The following ELP4 variants were observed in gnomAD, a reference collection of about 807,000 sequenced individuals.
ELP4 encodes elongator complex protein 4.
A neutral mutation model predicts 48.9 loss-of-function variants in ELP4; 51 were observed. The observed-to-expected ratio is 1.04, with a 90% CI of 0.83 to 1.32. ELP4 has a LOEUF of 1.32. Among genes scored for constraint, ELP4 ranks in the 40% most tolerant of loss-of-function variants. The pLI, the probability that ELP4 is intolerant of heterozygous loss-of-function variation, is 0.00. For synonymous variants in ELP4, 210 were observed against 189.2 expected, an observed-to-expected ratio of 1.11 and a Z score of -0.90; for missense variants, 519 against 514.6, an observed-to-expected ratio of 1.01 and a Z score of -0.08.
Position 31,760,022 on chromosome 11 carries a change from G to A in ELP4, c.1144-23371G>A, listed in dbSNP as rs556789816. 2.2e-4 allele frequency among the ~76,000 whole-genome samples: 33 copies of A among 152,234 alleles called. 1 individual carries two copies. In the South Asian group the frequency reaches 6.2e-3, roughly 29 times the overall value. On this transcript the variant is annotated intron_variant, in intron 9 of 9. Coordinates refer to ENST00000640961, the MANE Select transcript of ELP4 (RefSeq NM_019040.5). Reference sequence around the variant, plus strand: ...GTCGGTCAGTGTTTTCTGATTACCAGCTTGAATAGTTTGTATTCATCAGCT... The same window carrying A: ...GTCGGTCAGTGTTTTCTGATTACCAACTTGAATAGTTTGTATTCATCAGCT...
At chr11:31,730,484 A>G (rs1947163409) in intron 9 of ELP4, among the ~76,000 whole-genome samples, 1 of 152,274 alleles carries the variant, frequency 6.6e-6, no homozygotes, top group African/African-American at 2.4e-5. Flanking sequence ...TGGAGGGAAC[A>G]TCATCATGCA....
intron 9 of ELP4, among the ~76,000 whole-genome samples, chr11:31,744,218 A>G (rs1182335107): frequency 6.6e-6 from 1 of 152,218 alleles, no homozygotes; most frequent in East Asian, 1.9e-4. Flanking sequence ...TGAATAGACC[A>G]ATAACAGGCT....
At chr11:31,531,656 T>C (rs940204968) in intron 2 of ELP4, among the ~76,000 whole-genome samples, 3 of 152,208 alleles carry the variant, frequency 2.0e-5, no homozygotes, top group Admixed American at 1.3e-4. Context: ...GGGGAATGTA[T>C]TGGGAAAGAA....
At chr11:31,546,412 A>T (rs1956717419) in intron 3 of ELP4, among the ~76,000 whole-genome samples, 1 of 152,220 alleles carries the variant, frequency 6.6e-6, no homozygotes, top group African/African-American at 2.4e-5. Flanking sequence ...TGGTAAAGGG[A>T]TCAATTCAAC....
At chr11:31,547,238 G>A (rs940359459) in intron 3 of ELP4, among the ~76,000 whole-genome samples, 1 of 152,046 alleles carries the variant, frequency 6.6e-6, no homozygotes, top group East Asian at 1.9e-4. Context: ...TAGACTGCTA[G>A]CAAGACTAAT....
chr11:31,744,698 G>C (rs1170066052), intron 9 of ELP4, among the ~76,000 whole-genome samples: 4 of 152,146 alleles, frequency 2.6e-5, no homozygotes, highest in Admixed American at 2.6e-4. Flanking sequence ...AATGCTTCAT[G>C]CTAAAAACTC....
At chr11:31,694,767 C>T (rs886848805) in intron 9 of ELP4, among the ~76,000 whole-genome samples, 42 of 152,144 alleles carry the variant, frequency 2.8e-4, no homozygotes, top group African/African-American at 1.0e-3. Context: ...GCCATTTTCA[C>T]GATATTGATT....
chr11:31,644,958 A>C (rs938321510), intron 7 of ELP4, among the ~76,000 whole-genome samples: 1 of 151,766 alleles, frequency 6.6e-6, no homozygotes, highest in African/African-American at 2.4e-5. Flanking sequence ...TTATTCTATA[A>C]ATGTTTTTCA....
chr11:31,691,381 G>T (rs1946277445), intron 9 of ELP4, among the ~76,000 whole-genome samples: 2 of 152,042 alleles, frequency 1.3e-5, no homozygotes, highest in Admixed American at 1.3e-4. Flanking sequence ...TATATCTAAT[G>T]ACCTTTTCAG....
intron 9 of ELP4, among the ~76,000 whole-genome samples, chr11:31,665,655 CTTTTT>C (rs71060496): frequency 2.5e-5 from 2 of 79,660 alleles, no homozygotes; most frequent in Admixed American, 1.7e-4. Flanking sequence ...GTCTCTCTTC[CTTTTT>C]TTTTTTTTTT....
intron 9 of ELP4, chr11:31,689,500 C>G (rs1946230916): frequency 2.0e-5 from 3 of 151,410 alleles, no homozygotes; most frequent in Admixed American, 2.0e-4. Flanking sequence ...GGCTTACACA[C>G]TGGGCAGATG....
At chr11:31,766,742 T>A (rs751364803) in intron 9 of ELP4, among the ~76,000 whole-genome samples, 3 of 152,062 alleles carry the variant, frequency 2.0e-5, no homozygotes, top group Non-Finnish European at 2.9e-5. Flanking sequence ...ATGCCTGTTA[T>A]AATTTTTCAT....
intron 9 of ELP4, among the ~76,000 whole-genome samples, chr11:31,660,713 A>G (rs917202176): frequency 1.3e-5 from 2 of 152,050 alleles, no homozygotes; most frequent in African/African-American, 4.8e-5. Context: ...ATAGTGTTCA[A>G]CTCTCCTTTA....
intron 3 of ELP4, among the ~76,000 whole-genome samples, chr11:31,570,790 C>CTTTTT (rs1183889559): frequency 2.8e-3 from 245 of 86,106 alleles, no homozygotes; most frequent in African/African-American, 7.4e-3. Context: ...ACTGTAAACT[C>CTTTTT]TTTTTTTTTT....
chr11:31,548,040 G>A (rs1386946278), intron 3 of ELP4, among the ~76,000 whole-genome samples: 1 of 152,102 alleles, frequency 6.6e-6, no homozygotes, highest in Non-Finnish European at 1.5e-5. Context: ...ATACTGAATG[G>A]GCAAAAACTG....
chr11:31,670,952 T>A (rs1449018308), intron 9 of ELP4, among the ~76,000 whole-genome samples: 4 of 152,058 alleles, frequency 2.6e-5, no homozygotes, highest in Non-Finnish European at 5.9e-5. Flanking sequence ...ATATAATGTG[T>A]TTATCACTTA....
chr11:31,697,846 G>A (rs956108237), intron 9 of ELP4, among the ~76,000 whole-genome samples: 1 of 151,986 alleles, frequency 6.6e-6, no homozygotes, highest in Non-Finnish European at 1.5e-5. Context: ...TAGGATGTAA[G>A]AGATGAAGAA....
At chr11:31,547,545 TC>T (rs1228542468) in intron 3 of ELP4, among the ~76,000 whole-genome samples, 1 of 152,174 alleles carries the variant, frequency 6.6e-6, no homozygotes, top group Admixed American at 6.5e-5. Context: ...ACAGCCGAAT[TC>T]TACCAGAGGT....
chr11:31,575,088 TC>T (rs1957251805), intron 3 of ELP4, among the ~76,000 whole-genome samples: 2 of 151,978 alleles, frequency 1.3e-5, no homozygotes, highest in African/African-American at 4.8e-5. Context: ...TGTAGAGAAA[TC>T]CTTAAATGAC....
Sources: gnomAD v4.1 joint callset for allele counts (sites outside exome capture counted in the v4.1 genomes callset) on GRCh38, gnomAD v4.1.1 for gene constraint, MANE v1.5 for transcripts, NCBI Gene and HGNC (gene_info 2026-07-23, HGNC 2026-07-21) for gene names.